The following PCCA variants were observed in gnomAD, a reference collection of about 807,000 sequenced individuals.
PCCA encodes propionyl-CoA carboxylase alpha chain, mitochondrial.
A neutral mutation model predicts 101.3 loss-of-function variants in PCCA; 74 were observed. The ratio of observed to expected loss-of-function variants is 0.73; its 90% CI spans 0.61 to 0.89. The LOEUF (loss-of-function observed/expected upper bound fraction) is 0.89, where lower values mean the gene tolerates loss of function less well. PCCA is among the 40% of genes least tolerant of loss of function. The pLI is 0.00. For synonymous variants in PCCA, 294 were observed against 313.6 expected (o/e 0.94, Z 0.66); for missense variants, 891 against 907.0 (o/e 0.98, Z 0.23).
chr13:100,416,233 G>T (rs529847556), intron 19 of PCCA, among the ~76,000 whole-genome samples: 1 of 151,774 alleles, frequency 6.6e-6, no homozygotes, highest in African/African-American at 2.4e-5. Flanking sequence ...CTGTCGCCCA[G>T]GCTGGAGTGC....
rs143132481 is a variant in PCCA, at chr13:100,465,193, C to T, written c.1899+15888C>T. Among the ~76,000 whole-genome samples the T allele has an allele frequency of 7.6e-3, 1,149 of 152,098 alleles. 18 individuals carry two copies. The highest frequency in any genetic ancestry group is 0.027 in the African/African-American group (1,116 of 41,484). On this transcript the variant is annotated intron_variant, in intron 21 of 23. Transcript: ENST00000376285. Reference sequence around the variant, plus strand: ...AAAGCTGACCCCCCATGTCTGATGTCGAAATCGGCTTAAAATGCACCAGGA... The same window carrying T: ...AAAGCTGACCCCCCATGTCTGATGTTGAAATCGGCTTAAAATGCACCAGGA...
chr13:100,213,548 C>CA (rs2059348433), intron 7 of PCCA, among the ~76,000 whole-genome samples: 1 of 152,114 alleles, frequency 6.6e-6, no homozygotes, highest in African/African-American at 2.4e-5. Flanking sequence ...AATGTCTATT[C>CA]AGATCTTTTG....
At chr13:100,191,499 T>G (rs920890595) in intron 6 of PCCA, among the ~76,000 whole-genome samples, 1 of 152,172 alleles carries the variant, frequency 6.6e-6, no homozygotes, top group African/African-American at 2.4e-5. Context: ...ATAGGGAAAC[T>G]GAGGCACACA....
rs112632708 is a variant in PCCA, at chr13:100,179,332, G to T, written c.468+21992G>T. 1.0e-3 allele frequency among the ~76,000 whole-genome samples: 155 copies of T among 152,080 alleles called. 1 individual carries two copies. The highest frequency in any genetic ancestry group is 1.9e-3 in the Non-Finnish European group (131 of 67,988). On this transcript the variant is annotated intron_variant, in intron 6 of 23. Coordinates refer to ENST00000376285, the MANE Select transcript of PCCA (RefSeq NM_000282.4). ...TCATGCCACCCTTCATGCCTGCTGG[G>T]TTTTAAGGCATAAGAGAAACAGATG...
chr13:100,282,122 T>A (rs996273596), intron 12 of PCCA, among the ~76,000 whole-genome samples: 2 of 152,242 alleles, frequency 1.3e-5, no homozygotes, highest in Non-Finnish European at 2.9e-5. Flanking sequence ...CTTTGCCCTT[T>A]GGGTTTTCTT....
Position 100,403,868 on chromosome 13 carries a change from C to T in PCCA, c.1747-21765C>T, listed in dbSNP as rs557685452. On this transcript the variant is annotated intron_variant, in intron 19 of 23. Transcript: ENST00000376285. ...CAAACACTGCGAACTTCCTGAGGCCCCACCCCAGTGCGCAGCTGGTTGGAA... is the reference window on the plus strand; with the variant it reads ...CAAACACTGCGAACTTCCTGAGGCCTCACCCCAGTGCGCAGCTGGTTGGAA... 3.3e-5 allele frequency among the ~76,000 whole-genome samples: 5 copies of T among 152,250 alleles called. No homozygotes were observed. The East Asian group carries it at 9.7e-4, about 29-fold the overall frequency.
At chr13:100,240,905 AGTGT>A (rs1015086418) in intron 8 of PCCA, among the ~76,000 whole-genome samples, 10 of 151,800 alleles carry the variant, frequency 6.6e-5, no homozygotes, top group African/African-American at 1.9e-4. Flanking sequence ...ACAAATCTTA[AGTGT>A]GTATTTGTGG....
intron 19 of PCCA, among the ~76,000 whole-genome samples, chr13:100,384,515 A>C (rs770843697): frequency 6.6e-6 from 1 of 152,204 alleles, no homozygotes; most frequent in Non-Finnish European, 1.5e-5. Context: ...TTTACATCAT[A>C]ATCTCTTTTA....
intron 18 of PCCA, among the ~76,000 whole-genome samples, chr13:100,363,922 G>A (rs189908819): frequency 6.6e-6 from 1 of 152,248 alleles, no homozygotes; most frequent in African/African-American, 2.4e-5. Context: ...AGTATTAATA[G>A]TGACTATCAG....
intron 14 of PCCA, 90 bp downstream of exon 14, chr13:100,303,088 G>A: frequency 4.9e-6 from 4 of 816,624 alleles, no homozygotes; most frequent in Admixed American, 3.4e-5. Context: ...ACCAAAGGGT[G>A]TAAATTGAAG....
At chr13:100,349,899 A>G (rs1216991016) in intron 18 of PCCA, among the ~76,000 whole-genome samples, 2 of 152,118 alleles carry the variant, frequency 1.3e-5, no homozygotes, top group African/African-American at 4.8e-5. Flanking sequence ...TTTGTATTGT[A>G]TTATCTTTCC....
chr13:100,340,130 ATTGATTGG>A lies in PCCA; in HGVS notation c.1541-19_1541-12del, dbSNP rs770235347. 3 of 1,131,806 alleles carry A rather than the reference ATTGATTGG, an allele frequency of 2.7e-6. No homozygotes were observed. The South Asian group carries it at 3.7e-5, about 14-fold the overall frequency. The allele number at this position is 1,131,806 out of a possible 1,614,324, so 70.1% of individuals were successfully genotyped here. A position where few individuals can be genotyped will look rare whatever the true frequency, so the allele number is the denominator to read the frequency against. ...AGATGTTAAAATAAATGATTGATTG[ATTGATTGG>A]TTGATTGATTTCCCTCAGGACACAT... On this transcript the variant is annotated intron_variant, in intron 17 of 23. Transcript: ENST00000376285.
intron 1 of PCCA, among the ~76,000 whole-genome samples, chr13:100,090,185 C>T (rs1180489560): frequency 6.6e-6 from 1 of 152,198 alleles, no homozygotes; most frequent in African/African-American, 2.4e-5. Flanking sequence ...TTAGAGACGA[C>T]CTGCCCCATC....
chr13:100,100,515 C>T (rs549779018), intron 1 of PCCA, among the ~76,000 whole-genome samples: 18 of 152,308 alleles, frequency 1.2e-4, no homozygotes, highest in Non-Finnish European at 2.4e-4. Context: ...AAACAACAAA[C>T]GTTAAAATTC....
intron 21 of PCCA, among the ~76,000 whole-genome samples, chr13:100,469,403 G>A (rs941890107): frequency 1.1e-4 from 16 of 152,016 alleles, no homozygotes; most frequent in African/African-American, 3.6e-4. Context: ...GACAAGGTGG[G>A]TCTCAGACGA....
intron 6 of PCCA, among the ~76,000 whole-genome samples, chr13:100,179,433 T>A (rs1349271262): frequency 1.3e-5 from 2 of 152,174 alleles, no homozygotes; most frequent in Admixed American, 1.3e-4. Context: ...CTGCCACTTT[T>A]TTGCCCTTCA....
intron 6 of PCCA, chr13:100,198,504 ATTC>A (rs2058260262): frequency 7.1e-6 from 1 of 141,462 alleles, no homozygotes; most frequent in Admixed American, 7.0e-5. Flanking sequence ...TCATTCATTC[ATTC>A]ATTCATTTTT....
At chr13:100,492,630 C>T (rs946914544) in intron 21 of PCCA, among the ~76,000 whole-genome samples, 3 of 151,472 alleles carry the variant, frequency 2.0e-5, no homozygotes, top group Non-Finnish European at 4.4e-5. Flanking sequence ...AAATCCGGAG[C>T]CCTAAATGGG....
intron 20 of PCCA, among the ~76,000 whole-genome samples, chr13:100,428,207 C>CA (rs1315311218): frequency 1.3e-5 from 2 of 151,994 alleles, no homozygotes; most frequent in Non-Finnish European, 2.9e-5. Flanking sequence ...GCTGGGACTA[C>CA]AGGTGTGCCT....
Sources: allele counts gnomAD v4.1 joint callset (sites outside exome capture counted in the v4.1 genomes callset), GRCh38; gene constraint gnomAD v4.1.1; transcripts MANE v1.5; gene names NCBI Gene and HGNC (gene_info 2026-07-23, HGNC 2026-07-21).